The following CELSR1 variants were observed in gnomAD, a reference collection of about 807,000 sequenced individuals.
CELSR1 encodes adhesion G protein-coupled receptor C1.
A neutral mutation model predicts 249.1 loss-of-function variants in CELSR1; 110 were observed. The observed-to-expected ratio is 0.44, with a 90% CI of 0.38 to 0.52. The LOEUF (loss-of-function observed/expected upper bound fraction) is 0.52, where lower values mean the gene tolerates loss of function less well. Ranked by LOEUF, CELSR1 falls within the 20% of genes least tolerant of loss-of-function variation. The pLI, the probability that CELSR1 is intolerant of heterozygous loss-of-function variation, is 0.00. For missense variants in CELSR1, 4,109 were observed against 4,296.4 expected, an observed-to-expected ratio of 0.96 and a Z score of 1.22; for synonymous variants, 2,113 against 1,900.0, an observed-to-expected ratio of 1.11 and a Z score of -2.92.
In CELSR1 at chr22:46,472,214, C is replaced by T. The variant is rs968136709; in HGVS notation, c.3545-7869G>A. On this transcript the variant is annotated intron_variant, in intron 1 of 34. Coordinates refer to ENST00000674500, the MANE Select transcript of CELSR1 (RefSeq NM_001378328.1). This position sits in a 1 kb window ranked among gnomAD's most constrained non-coding sequence, Gnocchi z 7.0. ...GCCCTCCTGGCAGGTGCTGTACAAA[C>T]GTGAACCACATCATGGGAAGGAACT... Among the ~76,000 whole-genome samples, 12 of 152,204 alleles carry T rather than the reference C, an allele frequency of 7.9e-5. No individual in the cohort carries two copies. The highest frequency in any genetic ancestry group is 2.9e-4 in the African/African-American group (12 of 41,456).
In CELSR1 at chr22:46,508,011, C is replaced by T. The variant is rs183078643; in HGVS notation, c.3544+25616G>A. ...AACCATGCTGGGGATAGCTTGGTCC[C>T]GCCGGGATAGCCCTGGCTGCCAGCA... On this transcript the variant is annotated intron_variant, in intron 1 of 34. Transcript: ENST00000674500. Among the ~76,000 whole-genome samples, 236 of 152,326 alleles carry T rather than the reference C, an allele frequency of 1.5e-3. 1 individual carries two copies. Among genetic ancestry groups the T allele is most frequent in the Admixed American group, 6.8e-3 (104 of 15,308 alleles).
chr22:46,439,097 T>G, intron 3 of CELSR1, 92 bp downstream of exon 3: 1 of 1,235,944 alleles, frequency 8.1e-7, no homozygotes, highest in Non-Finnish European at 1.2e-6. Flanking sequence ...ACGGAGGACA[T>G]CAACGTCACG....
At chr22:46,388,304 G>A (rs914185198) in intron 18 of CELSR1, among the ~76,000 whole-genome samples, 2 of 151,688 alleles carry the variant, frequency 1.3e-5, no homozygotes, top group African/African-American at 2.4e-5. Context: ...AGCCAAGATC[G>A]CACCACTGCA....
intron 1 of CELSR1, among the ~76,000 whole-genome samples, chr22:46,530,651 C>T (rs1296457075): frequency 1.3e-5 from 2 of 152,204 alleles, no homozygotes; most frequent in African/African-American, 4.8e-5. Flanking sequence ...ATTTCACTAT[C>T]TTCTGACTTC....
intron 5 of CELSR1, among the ~76,000 whole-genome samples, chr22:46,419,135 TG>T (rs1348852942): frequency 6.6e-6 from 1 of 152,190 alleles, no homozygotes. Flanking sequence ...ATCTCAGCCC[TG>T]CTCCTTTGGG....
chr22:46,520,762 T>G (rs1191781276), intron 1 of CELSR1, among the ~76,000 whole-genome samples: 1 of 152,118 alleles, frequency 6.6e-6, no homozygotes, highest in African/African-American at 2.4e-5. Flanking sequence ...GTAACCATTT[T>G]TAAATGCACC....
chr22:46,365,142 C>G lies in CELSR1; in HGVS notation c.8554+89G>C, dbSNP rs960958049. 8 of 1,495,150 alleles carry G rather than the reference C, an allele frequency of 5.4e-6. No individual in the cohort carries two copies. The African/African-American group carries it at 8.3e-5, about 16-fold the overall frequency. The allele number at this position is 1,495,150 out of a possible 1,614,324, so 92.6% of individuals were successfully genotyped here. On this transcript the variant is annotated intron_variant, in intron 32 of 34. Transcript: ENST00000674500. ...TGGCTGCAGTGCTGCTGGGCATATC[C>G]TGGGAGGAAGGGACCCAGCCATAGC... is the stretch of plus-strand genomic sequence containing the variant.
chr22:46,390,608 TG>T lies in CELSR1; in HGVS notation c.6251-123del. ...ACACTGCGTGGTGGTTAGAACCCCATGGGGGCCAGGAGGTCGACACCAGCGC... is the reference window on the plus strand; with the variant it reads ...ACACTGCGTGGTGGTTAGAACCCCATGGGGCCAGGAGGTCGACACCAGCGC... On this transcript the variant is annotated intron_variant, in intron 16 of 34. Transcript: ENST00000674500. This position sits in a 1 kb window ranked among gnomAD's most constrained non-coding sequence, Gnocchi z 6.3. The T allele has an allele frequency of 1.3e-6, 1 of 771,434 alleles. No homozygotes were observed. The highest frequency in any genetic ancestry group is 2.1e-6 in the Non-Finnish European group (1 of 482,014). 47.8% of individuals were successfully genotyped at this position (771,434 alleles called of 1,614,324 possible).
rs528945517 is a variant in CELSR1, at chr22:46,408,247, G to A, written c.5226+749C>T. On this transcript the variant is annotated intron_variant, in intron 9 of 34. Transcript: ENST00000674500. This position sits in a 1 kb window ranked among gnomAD's most constrained non-coding sequence, Gnocchi z 4.6. ...ATAAGACAGAGAAAACAGGCAGACA[G>A]CGACAGAGCGGGGCTTTAGGCATTT... Among the ~76,000 whole-genome samples the A allele has an allele frequency of 8.5e-5, 13 of 152,242 alleles. No homozygotes were observed. The highest frequency in any genetic ancestry group is 1.9e-4 in the Non-Finnish European group (13 of 68,044).
Position 46,363,921 on chromosome 22 carries a change from A to C in CELSR1, c.9035+75T>G. On this transcript the variant is annotated intron_variant, in intron 34 of 34. Coordinates refer to ENST00000674500, the MANE Select transcript of CELSR1 (RefSeq NM_001378328.1). The surrounding 1 kb of genome is among the most constrained non-coding windows in gnomAD (Gnocchi z 4.3). ...TGAGGTGGGTGTCAGGTCCCTGACC[A>C]CTGCCCCCTCTCTCTCCTGACTCAG... 2 of 1,456,780 alleles carry C rather than the reference A, an allele frequency of 1.4e-6. No individual in the cohort carries two copies. Among genetic ancestry groups the C allele is most frequent in the Non-Finnish European group, 9.1e-7 (1 of 1,102,882 alleles). 90.2% of individuals were successfully genotyped at this position (1,456,780 alleles called of 1,614,324 possible). A position where few individuals can be genotyped will look rare whatever the true frequency, so the allele number is the denominator to read the frequency against.
Position 46,390,589 on chromosome 22 carries a change from C to A in CELSR1, c.6251-103G>T, listed in dbSNP as rs1421079956. Reference sequence around the variant, plus strand: ...GAATATACTTAAACCCAGAACACTGCGTGGTGGTTAGAACCCCATGGGGGC... The same window carrying A: ...GAATATACTTAAACCCAGAACACTGAGTGGTGGTTAGAACCCCATGGGGGC... On this transcript the variant is annotated intron_variant, in intron 16 of 34. Transcript: ENST00000674500. This position sits in a 1 kb window ranked among gnomAD's most constrained non-coding sequence, Gnocchi z 6.3. 8.3e-6 allele frequency: 8 copies of A among 960,042 alleles called. No individual in the cohort carries two copies. Among genetic ancestry groups the A allele is most frequent in the East Asian group, 2.7e-5 (1 of 36,994 alleles). 59.5% of individuals were successfully genotyped at this position (960,042 alleles called of 1,614,324 possible). A position where few individuals can be genotyped will look rare whatever the true frequency, so the allele number is the denominator to read the frequency against.
chr22:46,408,902 A>T lies in CELSR1; in HGVS notation c.5226+94T>A. The T allele has an allele frequency of 1.0e-6, 1 of 991,644 alleles. No individual in the cohort carries two copies. The highest frequency in any genetic ancestry group is 1.4e-6 in the Non-Finnish European group (1 of 695,696). The allele number at this position is 991,644 out of a possible 1,614,324, so 61.4% of individuals were successfully genotyped here. A position where few individuals can be genotyped will look rare whatever the true frequency, so the allele number is the denominator to read the frequency against. ...GGGCGCCGGAGGAAGGGCGAGTAGC[A>T]GGTGCCCGAGTGTGCACCAGGAAGC... On this transcript the variant is annotated intron_variant, in intron 9 of 34. Coordinates refer to ENST00000674500, the MANE Select transcript of CELSR1 (RefSeq NM_001378328.1). The surrounding 1 kb of genome is among the most constrained non-coding windows in gnomAD (Gnocchi z 4.6).
At chr22:46,533,557 C>T in intron 1 of CELSR1, 70 bp downstream of exon 1, 1 of 1,500,522 alleles carries the variant, frequency 6.7e-7, no homozygotes, top group Non-Finnish European at 8.8e-7. Flanking sequence ...AGGCGGAGCC[C>T]TTGGCGGGTT....
intron 5 of CELSR1, among the ~76,000 whole-genome samples, chr22:46,425,577 T>C (rs2079527613): frequency 6.6e-6 from 1 of 152,210 alleles, no homozygotes; most frequent in Non-Finnish European, 1.5e-5. Flanking sequence ...TAGAGTTCTT[T>C]TTATTAATTA....
intron 9 of CELSR1, among the ~76,000 whole-genome samples, chr22:46,405,968 AC>A (rs1333698883): frequency 6.6e-6 from 1 of 151,992 alleles, no homozygotes; most frequent in Non-Finnish European, 1.5e-5. Context: ...CCTCAAGGCC[AC>A]CCCTCCAGCC....
chr22:46,400,127 C>T (rs569983333), intron 9 of CELSR1, among the ~76,000 whole-genome samples: 7 of 152,020 alleles, frequency 4.6e-5, no homozygotes, highest in East Asian at 3.9e-4. Context: ...GTCAAAAGTT[C>T]GTGACCAGCC....
intron 30 of CELSR1, among the ~76,000 whole-genome samples, chr22:46,366,085 C>T (rs1399468788): frequency 4.2e-4 from 2 of 4,778 alleles, no homozygotes; most frequent in African/African-American, 0.01. Context: ...GGGGGGAAGG[C>T]TGCGGGGGGA....
At chr22:46,422,628 A>G (rs181691433) in intron 5 of CELSR1, among the ~76,000 whole-genome samples, 1,638 of 151,348 alleles carry the variant, frequency 0.011, 20 homozygotes, top group African/African-American at 0.038. Flanking sequence ...TTAGCCGGGC[A>G]TGGTGGTGGG....
chr22:46,380,655 C>G lies in CELSR1; in HGVS notation c.7256+133G>C, dbSNP rs890839466. 9.8e-7 allele frequency: 1 copy of G among 1,025,346 alleles called. No individual in the cohort carries two copies. The highest frequency in any genetic ancestry group is 1.6e-5 in the South Asian group (1 of 64,124). 63.5% of individuals were successfully genotyped at this position (1,025,346 alleles called of 1,614,324 possible). A position where few individuals can be genotyped will look rare whatever the true frequency, so the allele number is the denominator to read the frequency against. Reference sequence around the variant, plus strand: ...CAGAGCAGGAGGCTCACTGCCCCCACGGGGGACTTAAAGGGGAAACACAGA... The same window carrying G: ...CAGAGCAGGAGGCTCACTGCCCCCAGGGGGGACTTAAAGGGGAAACACAGA... On this transcript the variant is annotated intron_variant, in intron 22 of 34. Coordinates refer to ENST00000674500, the MANE Select transcript of CELSR1 (RefSeq NM_001378328.1). The surrounding 1 kb of genome is among the most constrained non-coding windows in gnomAD (Gnocchi z 5.1).
Sources: gnomAD v4.1 joint callset for allele counts (sites outside exome capture counted in the v4.1 genomes callset) on GRCh38, gnomAD v4.1.1 for gene constraint, Gnocchi (gnomAD v3.1) non-coding constraint, MANE v1.5 for transcripts, NCBI Gene and HGNC (gene_info 2026-07-23, HGNC 2026-07-21) for gene names.